ANKRD29: variants seen among roughly 807,000 people sequenced by gnomAD.
ANKRD29 encodes the protein ankyrin repeat domain-containing protein 29.
ANKRD29 carries 32 observed loss-of-function variants against 38.0 expected under a neutral mutation model. That is an observed-to-expected ratio of 0.84 (90% CI 0.64 to 1.13). ANKRD29 has a LOEUF of 1.13. Among genes scored for constraint, ANKRD29 ranks in the 50% most tolerant of loss-of-function variants. ANKRD29 has a pLI of 0.00. For synonymous variants in ANKRD29, 135 were observed against 152.4 expected (o/e 0.89, Z 0.84); for missense variants, 357 against 377.9 (o/e 0.94, Z 0.46).
chr18:23,640,577 T>C (rs1350435745), intron 3 of ANKRD29, among the ~76,000 whole-genome samples: 4 of 152,098 alleles, frequency 2.6e-5, no homozygotes, highest in East Asian at 1.9e-4. Flanking sequence ...TGGGACATAA[T>C]AACAAGAAAC....
intron 1 of ANKRD29, among the ~76,000 whole-genome samples, chr18:23,658,974 T>G (rs1457883340): frequency 6.6e-6 from 1 of 152,146 alleles, no homozygotes; most frequent in East Asian, 1.9e-4. Flanking sequence ...ATTTATAATA[T>G]AAAACACTTT....
intron 6 of ANKRD29, among the ~76,000 whole-genome samples, chr18:23,624,935 T>C (rs1413745979): frequency 1.3e-5 from 2 of 152,196 alleles, no homozygotes; most frequent in Non-Finnish European, 2.9e-5. Context: ...TGGTCTTATG[T>C]AGGCTCCTGA....
rs1319966480 is a variant in ANKRD29 at position 23,632,529 on chromosome 18, G to GTATA, written c.429+1521_429+1522insTATA. 7.9e-4 allele frequency among the ~76,000 whole-genome samples: 54 copies of GTATA among 68,146 alleles called. 1 individual carries two copies. The highest frequency in any genetic ancestry group is 2.3e-3 in the African/African-American group (48 of 21,232). 44.7% of individuals were successfully genotyped at this position (68,146 alleles called of 152,430 possible). A position where few individuals can be genotyped will look rare whatever the true frequency, so the allele number is the denominator to read the frequency against. ...TTTCCTATTCAGTGTGTGTGTGTGT[G>GTATA]TGTGTATATATATATATATTACACA... On this transcript the variant is annotated intron_variant, in intron 5 of 9. Coordinates refer to ENST00000592179, the MANE Select transcript of ANKRD29 (RefSeq NM_173505.4).
chr18:23,632,855 C>T (rs2059951645), intron 5 of ANKRD29, among the ~76,000 whole-genome samples: 1 of 152,062 alleles, frequency 6.6e-6, no homozygotes, highest in Admixed American at 6.6e-5. Context: ...GAGGGTGAGG[C>T]TAGCTGCTAT....
At chr18:23,630,361 G>A (rs1049548633) in intron 5 of ANKRD29, among the ~76,000 whole-genome samples, 4 of 152,210 alleles carry the variant, frequency 2.6e-5, no homozygotes, top group African/African-American at 9.7e-5. Flanking sequence ...TGGAGGCAGA[G>A]GTTGCAGTGA....
intron 1 of ANKRD29, among the ~76,000 whole-genome samples, chr18:23,649,975 G>T (rs1199500689): frequency 6.6e-6 from 1 of 152,132 alleles, no homozygotes; most frequent in Non-Finnish European, 1.5e-5. Context: ...TGATCCTCCC[G>T]CCTTGGCCTC....
At chr18:23,640,474 A>G (rs187843913) in intron 3 of ANKRD29, among the ~76,000 whole-genome samples, 341 of 152,340 alleles carry the variant, frequency 2.2e-3, no homozygotes, top group African/African-American at 7.3e-3. Flanking sequence ...AGAGTGGAAG[A>G]CTACTTGTAC....
chr18:23,637,994 C>CTTTTT (rs3083465), intron 4 of ANKRD29, among the ~76,000 whole-genome samples: 4,915 of 97,942 alleles, frequency 0.05, 496 homozygotes, highest in Admixed American at 0.12. Context: ...TCAATTACTT[C>CTTTTT]TTTTTTTTTT....
At chr18:23,628,322 T>G (rs2059887085) in intron 6 of ANKRD29, among the ~76,000 whole-genome samples, 1 of 152,182 alleles carries the variant, frequency 6.6e-6, no homozygotes, top group Non-Finnish European at 1.5e-5. Flanking sequence ...CTCAGGCTCC[T>G]TATGTGCTTG....
intron 3 of ANKRD29, 101 bp from the exon 4 acceptor site, chr18:23,639,048 C>A (rs2060039242): frequency 3.3e-6 from 3 of 910,108 alleles, no homozygotes; most frequent in African/African-American, 1.7e-5. Context: ...GCATAGAAAA[C>A]TTCTAGCCTA....
chr18:23,601,410 G>T, intron 9 of ANKRD29, 101 bp from the exon 10 acceptor site: 1 of 873,404 alleles, frequency 1.1e-6, no homozygotes, highest in South Asian at 1.5e-5. Flanking sequence ...CTTCACTAAT[G>T]AAAAAAATCC....
At chr18:23,628,817 G>A (rs1395594048) in intron 6 of ANKRD29, among the ~76,000 whole-genome samples, 8 of 138,494 alleles carry the variant, frequency 5.8e-5, no homozygotes, top group African/African-American at 2.2e-4. Context: ...CTGGATGACA[G>A]AGCAAGACGC....
chr18:23,634,226 T>A, intron 4 of ANKRD29, 77 bp from the exon 5 acceptor site: 1 of 1,103,860 alleles, frequency 9.1e-7, no homozygotes, highest in South Asian at 1.3e-5. Flanking sequence ...CTCACATACA[T>A]AGAATTTAGG....
At chr18:23,649,266 A>G in intron 1 of ANKRD29, 73 bp from the exon 2 acceptor site, 1 of 1,088,400 alleles carries the variant, frequency 9.2e-7, no homozygotes, top group Non-Finnish European at 1.4e-6. Context: ...CACATAGATA[A>G]TAACATTCAG....
intron 1 of ANKRD29, among the ~76,000 whole-genome samples, chr18:23,654,294 A>C (rs2060249396): frequency 6.8e-6 from 1 of 146,442 alleles, no homozygotes. Context: ...AAATAAATAA[A>C]TAAATAAATA....
chr18:23,621,573 A>G (rs2059797820), intron 6 of ANKRD29, among the ~76,000 whole-genome samples: 1 of 152,200 alleles, frequency 6.6e-6, no homozygotes, highest in South Asian at 2.1e-4. Flanking sequence ...AAATATTATC[A>G]TGAGCAATTT....
At position 23,649,143 on chromosome 18, in the gene ANKRD29, G is replaced by T; in HGVS notation, c.72C>A (p.Asn24Lys). Residue 24 changes from asparagine (N) to lysine (K), a missense_variant, in exon 2 of 10, where the codon AAC becomes AAA. By Grantham distance (94) the Asn-to-Lys change is moderately conservative (BLOSUM62 0). Coordinates refer to ENST00000592179, the MANE Select transcript of ANKRD29 (RefSeq NM_173505.4). ...TCAACAGCAGCTTCAGCAGCGCCAG[G>T]TTTCCTCTCCTGGCTGCCCAGAATG... The part of the protein sequence containing the change: ...NAAFWAARRG[N>K]LALLKLLLNS... 6.2e-7 allele frequency: 1 copy of T among 1,614,202 alleles called. No individual in the cohort carries two copies. The highest frequency in any genetic ancestry group is 1.1e-5 in the South Asian group (1 of 91,080).
intron 1 of ANKRD29, among the ~76,000 whole-genome samples, chr18:23,650,636 C>A (rs2060198906): frequency 6.6e-6 from 1 of 152,162 alleles, no homozygotes; most frequent in South Asian, 2.1e-4. Context: ...AGACAGCTCA[C>A]CCCAGCCCTG....
chr18:23,657,869 G>A (rs1288701636), intron 1 of ANKRD29, among the ~76,000 whole-genome samples: 1 of 152,116 alleles, frequency 6.6e-6, no homozygotes, highest in African/African-American at 2.4e-5. Context: ...AACCACCAAT[G>A]TCTTGCGAGC....
Sources: gnomAD v4.1 joint callset for allele counts (sites outside exome capture counted in the v4.1 genomes callset) on GRCh38, gnomAD v4.1.1 for gene constraint, MANE v1.5 for transcripts, NCBI Gene and HGNC (gene_info 2026-07-23, HGNC 2026-07-21) for gene names.